The following CDH18 variants were observed in gnomAD, a reference collection of about 807,000 sequenced individuals.
CDH18 encodes the protein cadherin 18.
A neutral mutation model predicts 67.9 loss-of-function variants in CDH18; 31 were observed. The observed-to-expected ratio is 0.46, with a 90% CI of 0.34 to 0.62. The LOEUF (loss-of-function observed/expected upper bound fraction) is 0.62, where lower values mean the gene tolerates loss of function less well. Ranked by LOEUF, CDH18 falls within the 20% of genes least tolerant of loss-of-function variation. CDH18 has a pLI of 0.01. For missense variants in CDH18, 890 were observed against 975.5 expected (o/e 0.91, Z 1.17); for synonymous variants, 362 against 347.2 (o/e 1.04, Z -0.48).
intron 6 of CDH18, among the ~76,000 whole-genome samples, chr5:19,607,917 T>C (rs996078878): frequency 1.3e-5 from 2 of 151,714 alleles, no homozygotes; most frequent in African/African-American, 4.8e-5. Context: ...ACTATAGACA[T>C]ATATTTCACA....
At chr5:20,178,526 A>G (rs1737419793) in intron 2 of CDH18, among the ~76,000 whole-genome samples, 1 of 150,662 alleles carries the variant, frequency 6.6e-6, no homozygotes, top group South Asian at 2.1e-4. Context: ...TGAAATACCC[A>G]GAGCAGGTGT....
chr5:20,500,921 A>C lies in CDH18; in HGVS notation c.-580+74541T>G, dbSNP rs566249492. Among the ~76,000 whole-genome samples, 5 of 152,270 alleles carry C rather than the reference A, an allele frequency of 3.3e-5. No individual in the cohort carries two copies. The Middle Eastern group carries it at 0.014, about 414-fold the overall frequency. On this transcript the variant is annotated intron_variant, in intron 1 of 14. Coordinates refer to the CDH18 transcript ENST00000507958. ...TTGATATTTAATCAGTTAGGTCTAG[A>C]CTAAGTAGTTTATAATTTTGTTTCT...
rs577698199 is a variant in CDH18 at position 19,880,449 on chromosome 5, C to A, written c.-256-41207G>T. On this transcript the variant is annotated intron_variant, in intron 2 of 12. Coordinates refer to ENST00000382275, the MANE Select transcript of CDH18 (RefSeq NM_004934.5). Reference sequence around the variant, plus strand: ...ATACTCATTTAGATAACCATCAAATCTATAGGATTTAGCTTTCAAGTGAAT... The same window carrying A: ...ATACTCATTTAGATAACCATCAAATATATAGGATTTAGCTTTCAAGTGAAT... Among the ~76,000 whole-genome samples, 11 of 152,082 alleles carry A rather than the reference C, an allele frequency of 7.2e-5. No homozygotes were observed. The South Asian group carries it at 8.3e-4, about 11-fold the overall frequency.
At chr5:20,460,061 T>G (rs1407346778) in intron 1 of CDH18, among the ~76,000 whole-genome samples, 3 of 152,104 alleles carry the variant, frequency 2.0e-5, no homozygotes, top group Admixed American at 2.0e-4. Flanking sequence ...TTCTGTAGAA[T>G]ATTACTATTG....
At chr5:20,387,351 T>C (rs1172742856) in intron 1 of CDH18, among the ~76,000 whole-genome samples, 1 of 152,170 alleles carries the variant, frequency 6.6e-6, no homozygotes, top group Admixed American at 6.6e-5. Flanking sequence ...AGTTCACTCA[T>C]GATTTGGTTC....
intron 5 of CDH18, among the ~76,000 whole-genome samples, chr5:19,716,932 C>A (rs902222174): frequency 6.6e-6 from 1 of 151,660 alleles, no homozygotes; most frequent in South Asian, 2.1e-4. Context: ...AACATAAACA[C>A]GCAAATATGA....
intron 9 of CDH18, among the ~76,000 whole-genome samples, chr5:19,532,866 T>G (rs907811335): frequency 6.6e-6 from 1 of 152,196 alleles, no homozygotes; most frequent in Admixed American, 6.5e-5. Context: ...ATGGTTTATA[T>G]GAGCAATCTG....
intron 2 of CDH18, among the ~76,000 whole-genome samples, chr5:20,244,557 C>T (rs1457618167): frequency 1.3e-5 from 2 of 151,976 alleles, no homozygotes; most frequent in African/African-American, 2.4e-5. Context: ...ATCTTGACTT[C>T]TTATTGGTTT....
At chr5:20,453,246 T>C (rs1165595553) in intron 1 of CDH18, among the ~76,000 whole-genome samples, 1 of 152,186 alleles carries the variant, frequency 6.6e-6, no homozygotes, top group Non-Finnish European at 1.5e-5. Flanking sequence ...TTCTGCTCAC[T>C]TACACCTTGT....
intron 1 of CDH18, among the ~76,000 whole-genome samples, chr5:20,384,799 A>C (rs1005757273): frequency 6.6e-6 from 1 of 152,102 alleles, no homozygotes; most frequent in Non-Finnish European, 1.5e-5. Flanking sequence ...AATATTATTT[A>C]ATTCCTTGTT....
chr5:20,267,973 C>T (rs1226952109), intron 1 of CDH18, among the ~76,000 whole-genome samples: 2 of 151,992 alleles, frequency 1.3e-5, no homozygotes, highest in African/African-American at 2.4e-5. Flanking sequence ...TCTAGTAGTC[C>T]CCAGTGTTTA....
At chr5:20,354,070 GC>G (rs1417363419) in intron 1 of CDH18, among the ~76,000 whole-genome samples, 1 of 152,146 alleles carries the variant, frequency 6.6e-6, no homozygotes, top group African/African-American at 2.4e-5. Flanking sequence ...TTTATTGGAA[GC>G]TAAAGCAGCT....
intron 2 of CDH18, among the ~76,000 whole-genome samples, chr5:20,213,861 T>A (rs1447775437): frequency 6.6e-6 from 1 of 152,032 alleles, no homozygotes; most frequent in Non-Finnish European, 1.5e-5. Flanking sequence ...TTTATACGAT[T>A]CTTAGTGTCT....
At chr5:20,381,243 G>T (rs1458697007) in intron 1 of CDH18, among the ~76,000 whole-genome samples, 1 of 152,130 alleles carries the variant, frequency 6.6e-6, no homozygotes, top group African/African-American at 2.4e-5. Context: ...AATGTATTTT[G>T]CTTAAGTCAC....
chr5:20,273,319 T>C (rs1466477120), intron 1 of CDH18, among the ~76,000 whole-genome samples: 3 of 152,022 alleles, frequency 2.0e-5, no homozygotes, highest in Non-Finnish European at 2.9e-5. Flanking sequence ...ATAATTATAT[T>C]ATGAAGTTGT....
chr5:20,345,674 G>A (rs543142024), intron 1 of CDH18, among the ~76,000 whole-genome samples: 4 of 152,048 alleles, frequency 2.6e-5, no homozygotes, highest in African/African-American at 9.6e-5. Flanking sequence ...TATAACAAAA[G>A]GTCAGAATCT....
At chr5:20,412,148 G>A (rs1041751158) in intron 1 of CDH18, among the ~76,000 whole-genome samples, 1 of 152,090 alleles carries the variant, frequency 6.6e-6, no homozygotes, top group African/African-American at 2.4e-5. Flanking sequence ...CAATGTCATA[G>A]TAACCAAAAC....
intron 2 of CDH18, 97 bp downstream of exon 2, chr5:19,980,963 A>T: frequency 6.6e-6 from 1 of 152,150 alleles, no homozygotes; most frequent in East Asian, 1.9e-4. Context: ...CAAATATCAC[A>T]ATTTATCCTT....
intron 2 of CDH18, among the ~76,000 whole-genome samples, chr5:19,918,964 C>A (rs191968370): frequency 2.7e-4 from 41 of 152,150 alleles, no homozygotes; most frequent in African/African-American, 9.4e-4. Flanking sequence ...CCAGAGGAAC[C>A]AAACATATGA....
Sources: gnomAD v4.1 joint callset for allele counts (sites outside exome capture counted in the v4.1 genomes callset) on GRCh38, gnomAD v4.1.1 for gene constraint, MANE v1.5 for transcripts, NCBI Gene and HGNC (gene_info 2026-07-23, HGNC 2026-07-21) for gene names.